RPS12: variants seen among roughly 807,000 people sequenced by gnomAD.
RPS12 encodes the protein small ribosomal subunit protein eS12.
A neutral mutation model predicts 17.2 loss-of-function variants in RPS12; 1 was observed. The ratio of observed to expected loss-of-function variants is 0.06; its 90% CI spans 0.02 to 0.28. RPS12 has a LOEUF of 0.28. RPS12 is among the 10% of genes least tolerant of loss of function. The pLI is 1.00. For missense variants in RPS12, 146 were observed against 162.1 expected, an observed-to-expected ratio of 0.90 and a Z score of 0.54; for synonymous variants, 67 against 54.0, an observed-to-expected ratio of 1.24 and a Z score of -1.06.
chr6:132,814,930 T>C (rs779238268), intron 2 of RPS12, 42 bp from the exon 3 acceptor site: 1 of 1,445,776 alleles, frequency 6.9e-7, no homozygotes, highest in Non-Finnish European at 9.7e-7. Context: ...CCTTATGTGG[T>C]GTGAGGATTT....
In RPS12 at chr6:132,814,593, G is replaced by C. The variant is rs1172746745; in HGVS notation, c.-58G>C. 3 of 805,722 alleles carry C rather than the reference G, an allele frequency of 3.7e-6. No individual in the cohort carries two copies. The highest frequency in any genetic ancestry group is 1.7e-5 in the African/African-American group (1 of 58,836). The allele number at this position is 805,722 out of a possible 1,614,324, so 49.9% of individuals were successfully genotyped here. A position where few individuals can be genotyped will look rare whatever the true frequency, so the allele number is the denominator to read the frequency against. ...CCTCTTTCCCTGCCGCCGCCGAGTC[G>C]CGCGGAGGCGGAGGCTTGGGGTAAG... On this transcript the variant is annotated 5_prime_UTR_variant, in exon 1 of 6. Coordinates refer to ENST00000230050, the MANE Select transcript of RPS12 (RefSeq NM_001016.4).
At chr6:132,816,621 T>A in intron 4 of RPS12, 58 bp downstream of exon 4, 1 of 1,161,186 alleles carries the variant, frequency 8.6e-7, no homozygotes, top group Non-Finnish European at 1.3e-6. Context: ...TATATGGGGG[T>A]AAATTCTGTG....
intron 3 of RPS12, chr6:132,815,497 G>A (rs999018920): frequency 2.4e-6 from 1 of 409,324 alleles, no homozygotes. Context: ...TTCAAACTCA[G>A]GTTTCAGAAG....
At chr6:132,814,925 T>A in intron 2 of RPS12, 47 bp from the exon 3 acceptor site, 1 of 1,432,492 alleles carries the variant, frequency 7.0e-7, no homozygotes, top group Non-Finnish European at 9.9e-7. Context: ...CAAGGCCTTA[T>A]GTGGTGTGAG....
At chr6:132,817,435 C>G in intron 5 of RPS12, 45 bp from the exon 6 acceptor site, 1 of 1,277,454 alleles carries the variant, frequency 7.8e-7, no homozygotes, top group Non-Finnish European at 1.1e-6. Flanking sequence ...GGTGAAATTC[C>G]TAAATATTAA....
chr6:132,816,083 C>T, intron 3 of RPS12: 2 of 371,234 alleles, frequency 5.4e-6, no homozygotes, highest in Non-Finnish European at 1.1e-5. Context: ...ATCTGCCCCC[C>T]TCGTCTTCCC....
At chr6:132,815,225 G>T (rs1275492448) in intron 3 of RPS12, 137 bp downstream of exon 3, 5 of 747,312 alleles carry the variant, frequency 6.7e-6, no homozygotes, top group Non-Finnish European at 1.2e-5. Flanking sequence ...CTAGGAAAAG[G>T]TATCAGAACT....
At position 132,817,521 on chromosome 6, in the gene RPS12, G is replaced by A; in HGVS notation, c.378G>A (p.Glu126=). 1 of 1,611,904 alleles carries A rather than the reference G, an allele frequency of 6.2e-7. No homozygotes were observed. Among genetic ancestry groups the A allele is most frequent in the Non-Finnish European group, 8.5e-7 (1 of 1,179,230 alleles). ...CTCAGGCCAAGGATGTCATTGAAGA[G>A]TATTTCAAATGCAAGAAATGAAGAA... The part of the protein sequence containing the change: ...KESQAKDVIE[E]YFKCKK The change falls in exon 6 of 6, where the codon GAG becomes GAA. Residue 126 remains glutamate (E), a synonymous_variant. Coordinates refer to ENST00000230050, the MANE Select transcript of RPS12 (RefSeq NM_001016.4).
chr6:132,815,393 A>G (rs2114710186), intron 3 of RPS12: 1 of 577,284 alleles, frequency 1.7e-6, no homozygotes, highest in Non-Finnish European at 3.3e-6. Context: ...TAGGTTGTGG[A>G]GCTAGTCAGT....
intron 3 of RPS12, chr6:132,815,836 TTTC>T (rs1216273723): frequency 1.2e-5 from 5 of 432,060 alleles, no homozygotes; most frequent in Non-Finnish European, 2.3e-5. Context: ...GTCTTTTTTT[TTTC>T]TTTTTTCTTT....
chr6:132,815,167 C>A, intron 3 of RPS12, 79 bp downstream of exon 3: 1 of 939,784 alleles, frequency 1.1e-6, no homozygotes, highest in Non-Finnish European at 1.7e-6. Context: ...GCATGGAGTT[C>A]ATGGTGTTAG....
At chr6:132,815,808 T>C in intron 3 of RPS12, 2 of 455,362 alleles carry the variant, frequency 4.4e-6, no homozygotes, top group Non-Finnish European at 8.8e-6. Context: ...ATTTCATAAC[T>C]GTTCCATTAA....
chr6:132,816,986 A>G lies in RPS12; in HGVS notation c.261A>G (p.Glu87=), dbSNP rs1211791811. 1 of 1,612,212 alleles carries G rather than the reference A, an allele frequency of 6.2e-7. No individual in the cohort carries two copies. The highest frequency in any genetic ancestry group is 1.3e-5 in the African/African-American group (1 of 74,830). Residue 87 remains glutamate, a synonymous_variant, in exon 5 of 6, where the codon GAA becomes GAG. Transcript: ENST00000230050. ...TTGATGACAACAAGAAACTAGGAGA[A>G]TGGGTAGGCCTTTGTAAAATTGACA... is the stretch of plus-strand genomic sequence containing the variant. ...IKVDDNKKLG[E]WVGLCKIDRE...
chr6:132,817,335 GA>G lies in RPS12; in HGVS notation c.337-143del, dbSNP rs754000051. On this transcript the variant is annotated intron_variant, in intron 5 of 5. Transcript: ENST00000230050. ...ACATTGAAGTCGTTAAGGTCCCTGA[GA>G]ATGGCTATAACAAATCTTAGTGATG... 11 of 791,762 alleles carry G rather than the reference GA, an allele frequency of 1.4e-5. No homozygotes were observed. The African/African-American group carries it at 1.8e-4, about 13-fold the overall frequency. 49.0% of individuals were successfully genotyped at this position (791,762 alleles called of 1,614,324 possible).
chr6:132,817,313 T>TA (rs1475936881), intron 5 of RPS12, 167 bp from the exon 6 acceptor site: 11 of 778,748 alleles, frequency 1.4e-5, no homozygotes, highest in Non-Finnish European at 2.6e-5. Context: ...CTTAAGGACA[T>TA]TGAAGTCGTT....
chr6:132,815,587 G>A, intron 3 of RPS12: 2 of 454,048 alleles, frequency 4.4e-6, no homozygotes, highest in Non-Finnish European at 8.9e-6. Flanking sequence ...TATTTGAATG[G>A]ATCGAGTTAA....
rs1562279615 is a variant in RPS12 at position 132,814,650 on chromosome 6, A to G, written c.-38+37A>G. 14 of 1,205,970 alleles carry G rather than the reference A, an allele frequency of 1.2e-5. No individual in the cohort carries two copies. The South Asian group carries it at 1.3e-4, about 12-fold the overall frequency. The allele number at this position is 1,205,970 out of a possible 1,614,324, so 74.7% of individuals were successfully genotyped here. ...GAGGCGGCAGGGGGGTGTATTGGTT[A>G]TAATTTGTGGCTCGTTGCGTTCTTG... On this transcript the variant is annotated intron_variant, in intron 1 of 5. Coordinates refer to ENST00000230050, the MANE Select transcript of RPS12 (RefSeq NM_001016.4).
chr6:132,815,846 CTT>C (rs557381189), intron 3 of RPS12: 54 of 378,566 alleles, frequency 1.4e-4, no homozygotes, highest in Admixed American at 6.7e-4. Context: ...TTTCTTTTTT[CTT>C]TTTTTTTTTT....
intron 3 of RPS12, chr6:132,816,072 C>A: frequency 2.7e-6 from 1 of 371,888 alleles, no homozygotes; most frequent in Non-Finnish European, 5.3e-6. Flanking sequence ...GACCTCGGGT[C>A]ATCTGCCCCC....
Sources: allele counts gnomAD v4.1 joint callset, GRCh38; gene constraint gnomAD v4.1.1; transcripts MANE v1.5; gene names NCBI Gene and HGNC (gene_info 2026-07-23, HGNC 2026-07-21).